ANKRD30B: variants seen among roughly 807,000 people sequenced by gnomAD.
ANKRD30B encodes ankyrin repeat domain-containing protein 30B.
ANKRD30B carries 144 observed loss-of-function variants against 202.2 expected under a neutral mutation model. The observed-to-expected ratio is 0.71, with a 90% confidence interval of 0.62 to 0.82. The LOEUF (loss-of-function observed/expected upper bound fraction) is 0.82. Among genes scored for constraint, ANKRD30B ranks in the 40% least tolerant of loss-of-function variants. The probability of loss-of-function intolerance (pLI) is 0.00; values close to 1 mark genes in which losing one functional copy is unlikely to be tolerated. For synonymous variants in ANKRD30B, 508 were observed against 561.3 expected, an observed-to-expected ratio of 0.91 and a Z score of 1.34; for missense variants, 1,487 against 1,669.1, an observed-to-expected ratio of 0.89 and a Z score of 1.90.
Position 14,757,860 on chromosome 18 carries a change from C to T in ANKRD30B, c.663C>T (p.Val221=), listed in dbSNP as rs1234695725. 1.5e-5 allele frequency: 24 copies of T among 1,613,760 alleles called. No individual in the cohort carries two copies. The highest frequency in any genetic ancestry group is 1.9e-5 in the Non-Finnish European group (23 of 1,179,896). ...TATGTGAAGGCTCATCAGAGATAGT[C>T]GGCATGCTTCTTCAGCAAAATGTTG... The part of the protein sequence containing the change: ...LAICEGSSEI[V]GMLLQQNVDV... Residue 221 remains valine (V), a synonymous_variant, in exon 5 of 44, where the codon GTC becomes GTT. Coordinates refer to ENST00000690538, the MANE Select transcript of ANKRD30B (RefSeq NM_001367607.2).
At chr18:14,755,397 CT>C (rs551660031) in intron 4 of ANKRD30B, among the ~76,000 whole-genome samples, 9 of 151,846 alleles carry the variant, frequency 5.9e-5, no homozygotes, top group East Asian at 3.9e-4. Flanking sequence ...TTTTTAATTT[CT>C]TTTTTTATTA....
the ANKRD30B span, among the ~76,000 whole-genome samples, chr18:14,940,277 T>C: frequency 6.6e-6 from 1 of 152,184 alleles, no homozygotes; most frequent in African/African-American, 2.4e-5. Context: ...AAACAAAGCT[T>C]GCCTAGAGTT....
chr18:14,823,747 G>T (rs1784189155), intron 32 of ANKRD30B, among the ~76,000 whole-genome samples: 1 of 152,124 alleles, frequency 6.6e-6, no homozygotes, highest in Non-Finnish European at 1.5e-5. Context: ...ACCAAGGTGG[G>T]CAGATAACTG....
chr18:14,892,808 C>T, the ANKRD30B span, among the ~76,000 whole-genome samples: 22 of 148,028 alleles, frequency 1.5e-4, no homozygotes, highest in African/African-American at 5.2e-4. Flanking sequence ...ATTCTAGCTA[C>T]TTGAGAGGCT....
intron 30 of ANKRD30B, among the ~76,000 whole-genome samples, chr18:14,819,840 A>ATG (rs1970318429): frequency 6.6e-6 from 1 of 152,124 alleles, no homozygotes; most frequent in Admixed American, 6.6e-5. Context: ...TGACTTGGCG[A>ATG]CACGGGCTCA....
chr18:14,776,800 TAA>T (rs755296163), intron 9 of ANKRD30B, among the ~76,000 whole-genome samples: 2 of 152,358 alleles, frequency 1.3e-5, no homozygotes, highest in Non-Finnish European at 1.5e-5. Flanking sequence ...AACATAAATA[TAA>T]GTTTTCCTTA....
At chr18:14,772,309 C>T (rs1967056011) in intron 9 of ANKRD30B, 81 bp downstream of exon 9, 1 of 787,946 alleles carries the variant, frequency 1.3e-6, no homozygotes, top group African/African-American at 1.8e-5. Flanking sequence ...GTGTATGTAT[C>T]ATTATTTCAT....
the ANKRD30B span, among the ~76,000 whole-genome samples, chr18:14,892,583 A>G: frequency 6.6e-6 from 1 of 151,940 alleles, no homozygotes; most frequent in Admixed American, 6.6e-5. Flanking sequence ...TACTAAAAAT[A>G]CAAAAAATTA....
At position 14,760,583 on chromosome 18, in the gene ANKRD30B, G is replaced by A. The variant is rs772268065; in HGVS notation, c.785G>A (p.Arg262Gln). 35 of 1,528,160 alleles carry A rather than the reference G, an allele frequency of 2.3e-5. No homozygotes were observed. Among genetic ancestry groups the A allele is most frequent in the South Asian group, 5.0e-5 (4 of 80,412 alleles). 94.7% of individuals were successfully genotyped at this position (1,528,160 alleles called of 1,614,324 possible). A position where few individuals can be genotyped will look rare whatever the true frequency, so the allele number is the denominator to read the frequency against. ...YIHQQLLEHI[R>Q]KLPKNPQNTN... is the part of the protein sequence containing the mutation. The stretch of plus-strand genomic sequence containing the variant: ...CATCAACAACTTTTGGAACATATAC[G>A]AAAATTACCTAAAAATCCTCAAAAT... Residue 262 changes from arginine (R) to glutamine (Q), a missense_variant, in exon 6 of 44, where the codon CGA (arginine) becomes CAA (glutamine). Arg to Gln is a conservative substitution (Grantham distance 43, BLOSUM62 1). Around this residue, in one of 6 missense-constraint regions of ANKRD30B, gnomAD observed 889 missense variants for 841.4 expected, o/e 1.06. Coordinates refer to ENST00000690538, the MANE Select transcript of ANKRD30B (RefSeq NM_001367607.2).
chr18:14,853,177 A>T (rs879555761), intron 42 of ANKRD30B, among the ~76,000 whole-genome samples: 33 of 152,016 alleles, frequency 2.2e-4, no homozygotes, highest in Non-Finnish European at 4.0e-4. Context: ...AGGCTCAAAA[A>T]CTATCATGTG....
At chr18:14,910,818 T>C in the ANKRD30B span, among the ~76,000 whole-genome samples, 1 of 152,174 alleles carries the variant, frequency 6.6e-6, no homozygotes, top group Non-Finnish European at 1.5e-5. Context: ...GTAATAGCCA[T>C]TCTGATTGGT....
chr18:14,791,553 A>G, intron 16 of ANKRD30B, 62 bp downstream of exon 16: 1 of 1,321,800 alleles, frequency 7.6e-7, no homozygotes, highest in Non-Finnish European at 1.1e-6. Context: ...CTGATGAGGA[A>G]GGATATCCTC....
chr18:14,855,936 C>G (rs1232300813), downstream of ANKRD30B, among the ~76,000 whole-genome samples: 10 of 150,198 alleles, frequency 6.7e-5, no homozygotes, highest in East Asian at 6.0e-4. Flanking sequence ...GATGAGGCGG[C>G]CTGGCAGAGG....
intron 9 of ANKRD30B, among the ~76,000 whole-genome samples, chr18:14,776,784 A>T (rs1967383748): frequency 6.6e-6 from 1 of 152,220 alleles, no homozygotes; most frequent in African/African-American, 2.4e-5. Flanking sequence ...GCTTTCATTT[A>T]AAAATAACAT....
At chr18:14,862,087 T>G in the ANKRD30B span, among the ~76,000 whole-genome samples, 1 of 151,698 alleles carries the variant, frequency 6.6e-6, no homozygotes, top group South Asian at 2.1e-4. Context: ...CTGAAACAAA[T>G]GAAAATAGAA....
chr18:14,754,724 G>T (rs537673144), intron 3 of ANKRD30B, among the ~76,000 whole-genome samples, 175 bp from the exon 4 acceptor site: 16 of 152,218 alleles, frequency 1.1e-4, no homozygotes, highest in Admixed American at 7.9e-4. Flanking sequence ...ATATTTACAA[G>T]GGAAGGTGCA....
the ANKRD30B span, among the ~76,000 whole-genome samples, chr18:14,926,012 T>C: frequency 6.6e-6 from 1 of 152,088 alleles, no homozygotes; most frequent in African/African-American, 2.4e-5. Context: ...TAAAAAAAAA[T>C]GACAACATTT....
In ANKRD30B at chr18:14,809,452, G is replaced by A. The variant is rs573630619; in HGVS notation, c.2387-534G>A. Among the ~76,000 whole-genome samples the A allele has an allele frequency of 3.3e-5, 5 of 150,926 alleles. No individual in the cohort carries two copies. The South Asian group carries it at 6.3e-4, about 19-fold the overall frequency. On this transcript the variant is annotated intron_variant, in intron 26 of 43. Transcript: ENST00000690538. ...TTAGACCAGAAATTCTCAGAAGGGAGTATGCCTTAACCCTAAAGAGGCCTA... is the reference window on the plus strand; with the variant it reads ...TTAGACCAGAAATTCTCAGAAGGGAATATGCCTTAACCCTAAAGAGGCCTA...
At chr18:14,853,269 A>G (rs1320107569) in intron 42 of ANKRD30B, among the ~76,000 whole-genome samples, 1 of 152,144 alleles carries the variant, frequency 6.6e-6, no homozygotes, top group African/African-American at 2.4e-5. Context: ...TTTTCAATTC[A>G]TAAGGGGTGG....
Sources: allele counts gnomAD v4.1 joint callset (sites outside exome capture counted in the v4.1 genomes callset), GRCh38; gene constraint gnomAD v4.1.1; regional missense constraint gnomAD v4.1.1; transcripts MANE v1.5; gene names NCBI Gene and HGNC (gene_info 2026-07-23, HGNC 2026-07-21).